WWOX: variants seen among roughly 807,000 people sequenced by gnomAD.
WWOX encodes the protein WW domain-containing oxidoreductase.
A neutral mutation model predicts 46.2 loss-of-function variants in WWOX; 69 were observed. That is an observed-to-expected ratio of 1.49 (90% CI 1.23 to 1.82). The LOEUF is 1.82. Among genes scored for constraint, WWOX ranks in the 40% most tolerant of loss-of-function variants. The pLI is 0.00. For synonymous variants in WWOX, 359 were observed against 202.6 expected (o/e 1.77, Z -6.56); for missense variants, 919 against 542.6 (o/e 1.69, Z -6.89).
rs565332592 is a variant in WWOX, at chr16:78,721,261, G to C, written c.1056+288509G>C. On this transcript the variant is annotated intron_variant, in intron 8 of 8. Transcript: ENST00000566780. The stretch of plus-strand genomic sequence containing the variant: ...GTCTAAGAAAAAAAGTAGCTTTCAT[G>C]ATGAAGGTGATGAACTACTTCTTTC... Among the ~76,000 whole-genome samples, 111 of 150,678 alleles carry C rather than the reference G, an allele frequency of 7.4e-4. 2 individuals are homozygous for C. In the East Asian group the frequency reaches 0.018, roughly 24 times the overall value.
At chr16:78,693,626 A>G (rs1462629515) in intron 8 of WWOX, among the ~76,000 whole-genome samples, 1 of 152,172 alleles carries the variant, frequency 6.6e-6, no homozygotes, top group East Asian at 1.9e-4. Context: ...ACATTTGGCA[A>G]TGTCTGGAGA....
intron 8 of WWOX, among the ~76,000 whole-genome samples, chr16:79,030,531 C>T (rs957728540): frequency 1.3e-5 from 2 of 152,166 alleles, no homozygotes; most frequent in Admixed American, 6.5e-5. Context: ...CCAGACCAGG[C>T]GTGATCCCTA....
At chr16:78,381,824 A>G (rs1044331496) in intron 5 of WWOX, among the ~76,000 whole-genome samples, 1 of 152,024 alleles carries the variant, frequency 6.6e-6, no homozygotes, top group Non-Finnish European at 1.5e-5. Flanking sequence ...GGAATGAGGG[A>G]TATATGGAAG....
chr16:79,074,307 C>T (rs1055987551), intron 8 of WWOX, among the ~76,000 whole-genome samples: 1 of 151,750 alleles, frequency 6.6e-6, no homozygotes, highest in East Asian at 1.9e-4. Flanking sequence ...GGCTGTCACC[C>T]CCATTTCCCA....
chr16:78,321,111 C>T (rs1421320392), intron 5 of WWOX, among the ~76,000 whole-genome samples: 3 of 151,758 alleles, frequency 2.0e-5, no homozygotes, highest in Admixed American at 6.6e-5. Context: ...TCTTTTAAAG[C>T]GTAGAAAAGT....
At chr16:78,451,382 C>T (rs939548928) in intron 8 of WWOX, among the ~76,000 whole-genome samples, 2 of 152,162 alleles carry the variant, frequency 1.3e-5, no homozygotes, top group Non-Finnish European at 2.9e-5. Flanking sequence ...TTATTTTCCA[C>T]AGTCCACTAC....
Position 78,664,204 on chromosome 16 carries a change from G to A in WWOX, c.1056+231452G>A, listed in dbSNP as rs867370437. 3.9e-5 allele frequency among the ~76,000 whole-genome samples: 6 copies of A among 152,262 alleles called. No homozygotes were observed. The South Asian group carries it at 1.0e-3, about 26-fold the overall frequency. ...GATAGAGAAAACAGGATGGATTCAG[G>A]AAACATGACCACACTGAGCATATTC... On this transcript the variant is annotated intron_variant, in intron 8 of 8. Coordinates refer to ENST00000566780, the MANE Select transcript of WWOX (RefSeq NM_016373.4).
chr16:79,194,226 TTGAC>T (rs1472174420), intron 8 of WWOX, among the ~76,000 whole-genome samples: 11 of 152,224 alleles, frequency 7.2e-5, no homozygotes, highest in Non-Finnish European at 1.2e-4. Flanking sequence ...AGGAAATAAT[TTGAC>T]TGGTCATTTT....
intron 5 of WWOX, among the ~76,000 whole-genome samples, chr16:78,175,466 T>C (rs1462115814): frequency 6.6e-6 from 1 of 152,216 alleles, no homozygotes; most frequent in East Asian, 1.9e-4. Context: ...TGGCCGGGTA[T>C]GACTCCTGAG....
At chr16:78,702,007 T>TTTTA (rs1555519491) in intron 8 of WWOX, among the ~76,000 whole-genome samples, 2 of 57,630 alleles carry the variant, frequency 3.5e-5, no homozygotes, top group African/African-American at 6.6e-5. Context: ...CTACATAAAA[T>TTTTA]TATATATATA....
At chr16:78,149,651 C>A (rs903868030) in intron 4 of WWOX, among the ~76,000 whole-genome samples, 2 of 152,156 alleles carry the variant, frequency 1.3e-5, no homozygotes, top group African/African-American at 4.8e-5. Context: ...CGGACAGCTG[C>A]TTAGTAGGTT....
chr16:79,019,112 C>A (rs750078359), intron 8 of WWOX, among the ~76,000 whole-genome samples: 1 of 123,996 alleles, frequency 8.1e-6, no homozygotes, highest in African/African-American at 3.0e-5. Flanking sequence ...GAGGCAAGAT[C>A]ACACCACTGC....
At chr16:78,489,533 G>A (rs1011392846) in intron 8 of WWOX, among the ~76,000 whole-genome samples, 1 of 151,916 alleles carries the variant, frequency 6.6e-6, no homozygotes, top group South Asian at 2.1e-4. Context: ...CCCCTTAGCA[G>A]CTTTCAAATA....
intron 8 of WWOX, among the ~76,000 whole-genome samples, chr16:78,688,562 C>T (rs2047914530): frequency 6.6e-6 from 1 of 152,094 alleles, no homozygotes; most frequent in Non-Finnish European, 1.5e-5. Context: ...GACAACTGTC[C>T]CCCTCCATCC....
intron 8 of WWOX, among the ~76,000 whole-genome samples, chr16:78,475,945 T>C (rs2084339015): frequency 6.6e-6 from 1 of 152,180 alleles, no homozygotes; most frequent in Non-Finnish European, 1.5e-5. Flanking sequence ...TATTAATTTA[T>C]TATGGTAATG....
At position 78,680,681 on chromosome 16, in the gene WWOX, A is replaced by G. The variant is rs550778059; in HGVS notation, c.1056+247929A>G. On this transcript the variant is annotated intron_variant, in intron 8 of 8. Transcript: ENST00000566780. ...CACATTACAAGTGCTAAACATCCGG[A>G]CACATCTAGTGGCTCCCACTGTGGG... 3.3e-5 allele frequency among the ~76,000 whole-genome samples: 5 copies of G among 152,338 alleles called. No individual in the cohort carries two copies. The East Asian group carries it at 9.6e-4, about 29-fold the overall frequency.
intron 8 of WWOX, among the ~76,000 whole-genome samples, chr16:78,875,184 C>T (rs1442507254): frequency 1.3e-5 from 2 of 152,134 alleles, no homozygotes; most frequent in Non-Finnish European, 1.5e-5. Context: ...TGAGATTAAG[C>T]CGCTGAAACC....
intron 7 of WWOX, among the ~76,000 whole-genome samples, chr16:78,428,896 C>G (rs995441585): frequency 6.6e-6 from 1 of 152,134 alleles, no homozygotes; most frequent in African/African-American, 2.4e-5. Flanking sequence ...CACATGTAAA[C>G]ATTAATGGAA....
intron 8 of WWOX, among the ~76,000 whole-genome samples, chr16:78,462,890 G>C (rs1318560578): frequency 6.6e-6 from 1 of 152,140 alleles, no homozygotes; most frequent in Admixed American, 6.5e-5. Context: ...TGTCCTTACT[G>C]TTTCCCTTGG....
Sources: allele counts gnomAD v4.1 joint callset (sites outside exome capture counted in the v4.1 genomes callset), GRCh38; gene constraint gnomAD v4.1.1; transcripts MANE v1.5; gene names NCBI Gene and HGNC (gene_info 2026-07-23, HGNC 2026-07-21).